The following PCDHGA5 variants were observed in gnomAD, a reference collection of about 807,000 sequenced individuals.
PCDHGA5 encodes the protein protocadherin gamma-A5.
In PCDHGA5, 36 loss-of-function variants were observed where a neutral mutation model predicts 56.7. The ratio of observed to expected loss-of-function variants is 0.64; its 90% confidence interval spans 0.49 to 0.84. PCDHGA5 has a LOEUF of 0.84. Among genes scored for constraint, PCDHGA5 ranks in the 40% least tolerant of loss-of-function variants. PCDHGA5 has a pLI of 0.00. For synonymous variants in PCDHGA5, 563 were observed against 520.2 expected (o/e 1.08, Z -1.12); for missense variants, 1,305 against 1,201.5 (o/e 1.09, Z -1.27).
At chr5:141,403,524 A>T in intron 1 of PCDHGA5, 1 of 1,613,890 alleles carries the variant, frequency 6.2e-7, no homozygotes. Context: ...GGAGCCATAA[A>T]CCCAGAGCTG....
intron 1 of PCDHGA5, chr5:141,403,695 G>A (rs376074779): frequency 6.2e-7 from 1 of 1,613,780 alleles, no homozygotes; most frequent in Non-Finnish European, 8.5e-7. Flanking sequence ...CGGATTTACC[G>A]AGTTAAAGTC....
At chr5:141,393,203 C>A in intron 1 of PCDHGA5, 1 of 1,613,514 alleles carries the variant, frequency 6.2e-7, no homozygotes, top group South Asian at 1.1e-5. Context: ...ACGATAATAA[C>A]CCAAAATTCC....
rs925034052 is a variant in PCDHGA5, at chr5:141,486,630, T to G, written c.2422-8177T>G. 2 of 1,613,690 alleles carry G rather than the reference T, an allele frequency of 1.2e-6. No individual in the cohort carries two copies. Among genetic ancestry groups the G allele is most frequent in the Non-Finnish European group, 1.7e-6 (2 of 1,180,028 alleles). ...GCAGCCTCTGACCCAGACTCTGGCTTGAATGCGCTTATCTCCTACTCACTC... is the reference window on the plus strand; with the variant it reads ...GCAGCCTCTGACCCAGACTCTGGCTGGAATGCGCTTATCTCCTACTCACTC... On this transcript the variant is annotated intron_variant, in intron 1 of 3. Coordinates refer to ENST00000518069, the MANE Select transcript of PCDHGA5 (RefSeq NM_018918.3). This position sits in a 1 kb window ranked among gnomAD's most constrained non-coding sequence, Gnocchi z 5.0.
In PCDHGA5 at chr5:141,366,719, G is replaced by A; in HGVS notation, c.2389G>A (p.Val797Ile). 6.2e-7 allele frequency: 1 copy of A among 1,613,834 alleles called. No individual in the cohort carries two copies. The highest frequency in any genetic ancestry group is 8.5e-7 in the Non-Finnish European group (1 of 1,179,706). ...CGAGCCTCTTCTGATGTCTGATAAGGTAGATGCAAACAAAGAAGAACGGCG... is the reference window on the plus strand; with the variant it reads ...CGAGCCTCTTCTGATGTCTGATAAGATAGATGCAAACAAAGAAGAACGGCG... ...KSEPLLMSDK[V>I]DANKEERRVQ... The change falls in exon 1 of 4, where the codon GTA (valine) becomes ATA (isoleucine). Residue 797 changes from valine to isoleucine, a missense_variant. Coordinates refer to ENST00000518069, the MANE Select transcript of PCDHGA5 (RefSeq NM_018918.3).
chr5:141,498,146 G>A (rs924380243), intron 2 of PCDHGA5, among the ~76,000 whole-genome samples: 1 of 152,200 alleles, frequency 6.6e-6, no homozygotes, highest in Non-Finnish European at 1.5e-5. Context: ...GGACATCCTG[G>A]AAATGAAGTT....
intron 1 of PCDHGA5, among the ~76,000 whole-genome samples, chr5:141,492,782 C>T (rs2099743868): frequency 6.6e-6 from 1 of 152,258 alleles, no homozygotes; most frequent in Non-Finnish European, 1.5e-5. Context: ...GAGTGAGCCT[C>T]TATAGGACAG....
At chr5:141,501,510 T>A (rs11744379) in intron 2 of PCDHGA5, among the ~76,000 whole-genome samples, 1 of 151,824 alleles carries the variant, frequency 6.6e-6, no homozygotes, top group African/African-American at 2.4e-5. Flanking sequence ...CTCCAAGGCC[T>A]CCAAGCTGAA....
At chr5:141,480,956 C>G (rs2099528870) in intron 1 of PCDHGA5, among the ~76,000 whole-genome samples, 1 of 152,064 alleles carries the variant, frequency 6.6e-6, no homozygotes, top group South Asian at 2.1e-4. Flanking sequence ...GAGGCGGAAG[C>G]ATCAGTGAGG....
intron 1 of PCDHGA5, chr5:141,399,681 C>A (rs2093865042): frequency 1.2e-6 from 2 of 1,613,408 alleles, no homozygotes; most frequent in Non-Finnish European, 1.7e-6. Flanking sequence ...CCTTTGACTA[C>A]GAGCAGCTGC....
chr5:141,505,320 C>G, intron 2 of PCDHGA5, 73 bp from the exon 3 acceptor site: 2 of 1,605,358 alleles, frequency 1.2e-6, no homozygotes, highest in Non-Finnish European at 1.7e-6. Context: ...TTTGGGAGCC[C>G]TGGGAGAGGA....
intron 1 of PCDHGA5, chr5:141,441,144 T>C (rs141609485): frequency 6.6e-6 from 1 of 152,296 alleles, no homozygotes; most frequent in African/African-American, 2.4e-5. Context: ...TAGAAGATAA[T>C]GACAATATCC....
chr5:141,399,960 G>T, intron 1 of PCDHGA5: 1 of 1,612,214 alleles, frequency 6.2e-7, no homozygotes, highest in Non-Finnish European at 8.5e-7. Flanking sequence ...GCGAGCCCGG[G>T]CTCTTCAGCC....
intron 1 of PCDHGA5, among the ~76,000 whole-genome samples, chr5:141,452,137 G>A (rs2154563838): frequency 6.6e-6 from 1 of 152,162 alleles, no homozygotes; most frequent in East Asian, 1.9e-4. Flanking sequence ...TGGCTCATGT[G>A]TTTTTTCCAA....
In PCDHGA5 at chr5:141,364,414, CG is replaced by C; in HGVS notation, c.87del (p.Gln30ArgfsTer19). ...LLGTLCEPGS[G>X]QIRYSMPEEL... is the part of the protein sequence containing the mutation. ...TGGGGACGCTGTGCGAGCCAGGATC[CG>C]GGCAGATCCGCTACTCGATGCCGGA... On this transcript the variant is annotated frameshift_variant, in exon 1 of 4. Coordinates refer to ENST00000518069, the MANE Select transcript of PCDHGA5 (RefSeq NM_018918.3). LOFTEE classifies it high-confidence loss of function. 1 of 1,612,330 alleles carries C rather than the reference CG, an allele frequency of 6.2e-7. No homozygotes were observed. The highest frequency in any genetic ancestry group is 8.5e-7 in the Non-Finnish European group (1 of 1,179,034).
rs1250096461 is a variant in PCDHGA5 at position 141,485,533 on chromosome 5, G to A, written c.2422-9274G>A. 6.2e-7 allele frequency: 1 copy of A among 1,614,084 alleles called. No homozygotes were observed. Among genetic ancestry groups the A allele is most frequent in the Non-Finnish European group, 8.5e-7 (1 of 1,180,034 alleles). On this transcript the variant is annotated intron_variant, in intron 1 of 3. Coordinates refer to ENST00000518069, the MANE Select transcript of PCDHGA5 (RefSeq NM_018918.3). This position sits in a 1 kb window ranked among gnomAD's most constrained non-coding sequence, Gnocchi z 5.7. ...GTCCTTTGGAAATGTACCGAGCAGA[G>A]GTAGAGATCGTAGATGTGAATGATC...
intron 1 of PCDHGA5, chr5:141,374,662 G>C (rs1378135258): frequency 6.2e-7 from 1 of 1,611,648 alleles, no homozygotes; most frequent in South Asian, 1.1e-5. Flanking sequence ...AGTACCCGGA[G>C]CTGGTGCTGG....
In PCDHGA5 at chr5:141,366,650, A is replaced by G. The variant is rs879057621; in HGVS notation, c.2320A>G (p.Asn774Asp). 6.2e-7 allele frequency: 1 copy of G among 1,614,262 alleles called. No homozygotes were observed. Among genetic ancestry groups the G allele is most frequent in the South Asian group, 1.1e-5 (1 of 91,092 alleles). ...RKSHLIFPQP[N>D]YADTLLSEES... The stretch of plus-strand genomic sequence containing the variant: ...GAGTCACCTGATCTTTCCCCAGCCC[A>G]ACTACGCAGACACGCTCCTTAGTGA... The change falls in exon 1 of 4, where the codon AAC becomes GAC. Residue 774 changes from asparagine to aspartate, a missense_variant. By Grantham distance (23) the Asn-to-Asp change is conservative. Transcript: ENST00000518069.
In PCDHGA5 at chr5:141,490,861, T is replaced by C. The variant is rs1465042036; in HGVS notation, c.2422-3946T>C. The C allele has an allele frequency of 1.2e-6, 2 of 1,613,816 alleles. No individual in the cohort carries two copies. Among genetic ancestry groups the C allele is most frequent in the Non-Finnish European group, 1.7e-6 (2 of 1,179,920 alleles). On this transcript the variant is annotated intron_variant, in intron 1 of 3. Coordinates refer to ENST00000518069, the MANE Select transcript of PCDHGA5 (RefSeq NM_018918.3). The surrounding 1 kb of genome is among the most constrained non-coding windows in gnomAD (Gnocchi z 5.4). Reference sequence around the variant, plus strand: ...TGTGGTGGGGGTTCGAGACTCCGGCTCTCCCCCATTGCATGCCAACACATC... The same window carrying C: ...TGTGGTGGGGGTTCGAGACTCCGGCCCTCCCCCATTGCATGCCAACACATC...
rs1334650353 is a variant in PCDHGA5, at chr5:141,493,099, A to T, written c.2422-1708A>T. Among the ~76,000 whole-genome samples, 1 of 152,192 alleles carries T rather than the reference A, an allele frequency of 6.6e-6. No homozygotes were observed. Among genetic ancestry groups the T allele is most frequent in the East Asian group, 1.9e-4 (1 of 5,198 alleles). On this transcript the variant is annotated intron_variant, in intron 1 of 3. Coordinates refer to ENST00000518069, the MANE Select transcript of PCDHGA5 (RefSeq NM_018918.3). This position sits in a 1 kb window ranked among gnomAD's most constrained non-coding sequence, Gnocchi z 4.3. ...CTCCAGGAGCTTTTATTCAAAATAT[A>T]TCAATGCCTAACTCTGCTCCTAGGA... is the stretch of plus-strand genomic sequence containing the variant.
Sources: allele counts gnomAD v4.1 joint callset (sites outside exome capture counted in the v4.1 genomes callset), GRCh38; gene constraint gnomAD v4.1.1; non-coding constraint Gnocchi (gnomAD v3.1); transcripts MANE v1.5; gene names NCBI Gene and HGNC (gene_info 2026-07-23, HGNC 2026-07-21).